Variants in SFT2D2 observed in about 807,000 individuals in gnomAD.
The protein encoded by SFT2D2 is vesicle transport protein SFT2B.
In SFT2D2, 21 loss-of-function variants were observed where a neutral mutation model predicts 27.4. The observed-to-expected ratio is 0.77, with a 90% CI of 0.54 to 1.10. The LOEUF is 1.10. SFT2D2 is among the 50% of genes least tolerant of loss of function. The pLI is 0.00. For synonymous variants in SFT2D2, 72 were observed against 71.7 expected (o/e 1.00, Z -0.02); for missense variants, 187 against 194.2 (o/e 0.96, Z 0.22).
At position 168,250,486 on chromosome 1, in the gene SFT2D2, A is replaced by G. The variant is rs1374022143; in HGVS notation, c.*7946A>G. 3 of 152,270 alleles carry G rather than the reference A, an allele frequency of 2.0e-5. No homozygotes were observed. Among genetic ancestry groups the G allele is most frequent in the Non-Finnish European group, 4.4e-5 (3 of 68,142 alleles). 9.4% of individuals were successfully genotyped at this position (152,270 alleles called of 1,614,324 possible). A position where few individuals can be genotyped will look rare whatever the true frequency, so the allele number is the denominator to read the frequency against. On this transcript the variant is annotated 3_prime_UTR_variant, in exon 8 of 8. Coordinates refer to ENST00000271375, the MANE Select transcript of SFT2D2 (RefSeq NM_199344.3). ...TGCATTTTGGAAGTTAAGGGAACCA[A>G]TAAGGTGACTCTTTTGCAGATTGGA...
intron 3 of SFT2D2, among the ~76,000 whole-genome samples, chr1:168,233,004 C>T (rs929007697): frequency 2.0e-5 from 3 of 152,164 alleles, no homozygotes; most frequent in Non-Finnish European, 2.9e-5. Flanking sequence ...TAGAGCCATT[C>T]GTTTATAGCC....
At chr1:168,232,438 G>C (rs1199210779) in intron 3 of SFT2D2, among the ~76,000 whole-genome samples, 1 of 152,222 alleles carries the variant, frequency 6.6e-6, no homozygotes, top group Non-Finnish European at 1.5e-5. Flanking sequence ...TGATGCTTCA[G>C]TCACACTGGT....
chr1:168,246,870 C>G lies in SFT2D2; in HGVS notation c.*4330C>G, dbSNP rs758550509. 2.1e-5 allele frequency: 13 copies of G among 624,564 alleles called. 1 individual carries two copies. Among genetic ancestry groups the G allele is most frequent in the South Asian group, 1.7e-4 (12 of 68,644 alleles). The allele number at this position is 624,564 out of a possible 1,614,324, so 38.7% of individuals were successfully genotyped here. A position where few individuals can be genotyped will look rare whatever the true frequency, so the allele number is the denominator to read the frequency against. On this transcript the variant is annotated 3_prime_UTR_variant, in exon 8 of 8. Transcript: ENST00000271375. Reference sequence around the variant, plus strand: ...AGCCTTTTGAAGGTCTTCATGCTTTCTTTTTATAATTTCAATGTCTTTTAA... The same window carrying G: ...AGCCTTTTGAAGGTCTTCATGCTTTGTTTTTATAATTTCAATGTCTTTTAA...
At chr1:168,235,061 T>A in intron 3 of SFT2D2, 40 bp from the exon 4 acceptor site, 1 of 1,584,634 alleles carries the variant, frequency 6.3e-7, no homozygotes, top group Non-Finnish European at 8.7e-7. Flanking sequence ...CTAGTGCAGT[T>A]CTGTTCTGAA....
intron 2 of SFT2D2, 81 bp downstream of exon 2, chr1:168,231,681 C>T (rs1647317664): frequency 6.6e-7 from 1 of 1,506,114 alleles, no homozygotes; most frequent in South Asian, 1.1e-5. Context: ...CTCCTTTCCC[C>T]TTTTGCCCTT....
In SFT2D2 at chr1:168,236,701, T is replaced by G; in HGVS notation, c.355-11T>G. Reference sequence around the variant, plus strand: ...TCACACTCTCCTATAACCATATTATTATTTTTCCAGTGGCATAACAAGGGA... The same window carrying G: ...TCACACTCTCCTATAACCATATTATGATTTTTCCAGTGGCATAACAAGGGA... On this transcript the variant is annotated splice_polypyrimidine_tract_variant and intron_variant, in intron 5 of 7. Transcript: ENST00000271375. The G allele has an allele frequency of 1.2e-6, 2 of 1,614,030 alleles. No individual in the cohort carries two copies. Among genetic ancestry groups the G allele is most frequent in the Middle Eastern group, 1.7e-4 (1 of 6,060 alleles).
chr1:168,232,418 T>A (rs575735448), intron 3 of SFT2D2, among the ~76,000 whole-genome samples: 1 of 152,344 alleles, frequency 6.6e-6, no homozygotes, highest in East Asian at 1.9e-4. Flanking sequence ...CAGGTCAAGC[T>A]CATTCACACT....
Position 168,235,193 on chromosome 1 carries a change from C to T in SFT2D2, c.318+11C>T. 2 of 1,613,878 alleles carry T rather than the reference C, an allele frequency of 1.2e-6. No individual in the cohort carries two copies. Among genetic ancestry groups the T allele is most frequent in the Admixed American group, 1.7e-5 (1 of 60,020 alleles). ...ACTATCATGGTGCTGGTAAGGTCTG[C>T]TTTTTAGCTGGACTTCTCAGATGGG... is the stretch of plus-strand genomic sequence containing the variant. On this transcript the variant is annotated intron_variant, in intron 4 of 7. Transcript: ENST00000271375.
rs968018606 is a variant in SFT2D2, at chr1:168,241,679, C to CCT, written c.444-821_444-820insTC. Among the ~76,000 whole-genome samples, 1,051 of 152,254 alleles carry CCT rather than the reference C, an allele frequency of 6.9e-3. 11 individuals are homozygous for CCT. The highest frequency in any genetic ancestry group is 0.022 in the African/African-American group (926 of 41,546). On this transcript the variant is annotated intron_variant, in intron 7 of 7. Transcript: ENST00000271375. The stretch of plus-strand genomic sequence containing the variant: ...CATATGCTATGTGTATTGTGAGCTG[C>CCT]CATGAGGGGGACTTATGTGGCCATA...
intron 6 of SFT2D2, among the ~76,000 whole-genome samples, chr1:168,237,978 G>C (rs1647548623): frequency 6.6e-6 from 1 of 151,964 alleles, no homozygotes; most frequent in South Asian, 2.1e-4. Context: ...CTTATAGACT[G>C]ATTTTGAATC....
rs988966467 is a variant in SFT2D2, at chr1:168,245,336, T to G, written c.*2796T>G. 1 of 152,112 alleles carries G rather than the reference T, an allele frequency of 6.6e-6. No individual in the cohort carries two copies. Among genetic ancestry groups the G allele is most frequent in the Non-Finnish European group, 1.5e-5 (1 of 68,014 alleles). The allele number at this position is 152,112 out of a possible 1,614,324, so 9.4% of individuals were successfully genotyped here. ...AAGTAAAGAATTAGGAATTGAAAAT[T>G]TAAAAATAATACCATTTACAATAGC... On this transcript the variant is annotated 3_prime_UTR_variant, in exon 8 of 8. Transcript: ENST00000271375.
Position 168,249,840 on chromosome 1 carries a change from G to A in SFT2D2, c.*7300G>A, listed in dbSNP as rs1183784181. ...GCTTGGCATAAGTAGAGTCTCAGTA[G>A]GGTAGGTGTTATTTAATCCCAGAAA... On this transcript the variant is annotated 3_prime_UTR_variant, in exon 8 of 8. Transcript: ENST00000271375. The A allele has an allele frequency of 6.6e-6, 1 of 152,214 alleles. No individual in the cohort carries two copies. Among genetic ancestry groups the A allele is most frequent in the East Asian group, 1.9e-4 (1 of 5,202 alleles). The allele number at this position is 152,214 out of a possible 1,614,324, so 9.4% of individuals were successfully genotyped here. A position where few individuals can be genotyped will look rare whatever the true frequency, so the allele number is the denominator to read the frequency against.
Position 168,246,518 on chromosome 1 carries a change from T to C in SFT2D2, c.*3978T>C. The C allele has an allele frequency of 6.7e-7, 1 of 1,483,064 alleles. No homozygotes were observed. The highest frequency in any genetic ancestry group is 9.2e-7 in the Non-Finnish European group (1 of 1,087,578). 91.9% of individuals were successfully genotyped at this position (1,483,064 alleles called of 1,614,324 possible). Reference sequence around the variant, plus strand: ...TCTCTTGTGTTATGGAGCTCAGTTTTGAGGCACCTGGACTTACTCTCAGCT... The same window carrying C: ...TCTCTTGTGTTATGGAGCTCAGTTTCGAGGCACCTGGACTTACTCTCAGCT... On this transcript the variant is annotated 3_prime_UTR_variant, in exon 8 of 8. Coordinates refer to ENST00000271375, the MANE Select transcript of SFT2D2 (RefSeq NM_199344.3).
At chr1:168,237,251 C>G (rs148888018) in intron 6 of SFT2D2, among the ~76,000 whole-genome samples, 149 of 152,322 alleles carry the variant, frequency 9.8e-4, no homozygotes, top group Non-Finnish European at 1.5e-3. Context: ...AGATGAGGAA[C>G]AGTCACTGAC....
Position 168,248,032 on chromosome 1 carries a change from A to G in SFT2D2, c.*5492A>G, listed in dbSNP as rs1299057025. The G allele has an allele frequency of 6.6e-6, 1 of 152,156 alleles. No homozygotes were observed. Among genetic ancestry groups the G allele is most frequent in the East Asian group, 1.9e-4 (1 of 5,198 alleles). 9.4% of individuals were successfully genotyped at this position (152,156 alleles called of 1,614,324 possible). A position where few individuals can be genotyped will look rare whatever the true frequency, so the allele number is the denominator to read the frequency against. ...TTCGATGGGGTTGTTTTGCTCTTAT[A>G]AATTTGTTTAAGTTCTATGTAGATT... is the stretch of plus-strand genomic sequence containing the variant. On this transcript the variant is annotated 3_prime_UTR_variant, in exon 8 of 8. Transcript: ENST00000271375.
intron 3 of SFT2D2, among the ~76,000 whole-genome samples, chr1:168,232,835 C>A (rs1647364256): frequency 6.6e-6 from 1 of 152,200 alleles, no homozygotes; most frequent in Non-Finnish European, 1.5e-5. Flanking sequence ...CAAGGAGGGG[C>A]AGCCGACACG....
chr1:168,226,338 C>A (rs993183774), intron 1 of SFT2D2, among the ~76,000 whole-genome samples, 196 bp downstream of exon 1: 3 of 151,850 alleles, frequency 2.0e-5, no homozygotes, highest in African/African-American at 7.3e-5. Flanking sequence ...CCTTTTCTGC[C>A]CCGCGCCCCT....
rs1647816325 is a variant in SFT2D2 at position 168,246,554 on chromosome 1, G to T, written c.*4014G>T. 1 of 1,509,978 alleles carries T rather than the reference G, an allele frequency of 6.6e-7. No homozygotes were observed. Among genetic ancestry groups the T allele is most frequent in the Non-Finnish European group, 9.1e-7 (1 of 1,103,904 alleles). 93.5% of individuals were successfully genotyped at this position (1,509,978 alleles called of 1,614,324 possible). On this transcript the variant is annotated 3_prime_UTR_variant, in exon 8 of 8. Transcript: ENST00000271375. ...GACTTACTCTCAGCTTTAGAAAGTT[G>T]CTGAGAAAGAATCAGAACATGAGAA... is the stretch of plus-strand genomic sequence containing the variant.
At position 168,252,495 on chromosome 1, in the gene SFT2D2, A is replaced by AG. The variant is rs1647972362; in HGVS notation, c.*9958dup. 4.6e-5 allele frequency: 7 copies of AG among 152,198 alleles called. No homozygotes were observed. Among genetic ancestry groups the AG allele is most frequent in the Admixed American group, 4.6e-4 (7 of 15,290 alleles). 9.4% of individuals were successfully genotyped at this position (152,198 alleles called of 1,614,324 possible). On this transcript the variant is annotated 3_prime_UTR_variant, in exon 8 of 8. Transcript: ENST00000271375. ...AACCTTGTATTTGTGTAATCTCCCA[A>AG]GGGAGAGCTATGGTTTACATTCAAT...
Sources: allele counts gnomAD v4.1 joint callset (sites outside exome capture counted in the v4.1 genomes callset), GRCh38; gene constraint gnomAD v4.1.1; transcripts MANE v1.5; gene names NCBI Gene and HGNC (gene_info 2026-07-23, HGNC 2026-07-21).